Variants in ZC3H12C observed in about 807,000 individuals in gnomAD.
ZC3H12C encodes zinc finger CCCH-type containing 12C.
A neutral mutation model predicts 76.3 loss-of-function variants in ZC3H12C; 20 were observed. The observed-to-expected ratio is 0.26, with a 90% CI of 0.18 to 0.38. The LOEUF is 0.38. ZC3H12C is among the 10% of genes least tolerant of loss of function. The probability of loss-of-function intolerance (pLI) is 1.00; values close to 1 mark genes in which losing one functional copy is unlikely to be tolerated. For missense variants in ZC3H12C, 874 were observed against 1,086.5 expected (o/e 0.80, Z 2.75); for synonymous variants, 352 against 399.6 (o/e 0.88, Z 1.42).
At chr11:110,122,065 A>C (rs1217666063) in intron 1 of ZC3H12C, among the ~76,000 whole-genome samples, 1 of 152,168 alleles carries the variant, frequency 6.6e-6, no homozygotes, top group East Asian at 1.9e-4. Context: ...TTCCTAAGTA[A>C]ATTATTTAAC....
chr11:110,134,642 A>C (rs1449918073), intron 1 of ZC3H12C, among the ~76,000 whole-genome samples: 1 of 152,204 alleles, frequency 6.6e-6, no homozygotes, highest in East Asian at 1.9e-4. Context: ...AAAAAATTGA[A>C]GTGGATACAA....
rs535227846 is a variant in ZC3H12C, at chr11:110,146,183, C to T, written c.774-6736C>T. Among the ~76,000 whole-genome samples the T allele has an allele frequency of 3.9e-5, 6 of 152,138 alleles. No individual in the cohort carries two copies. The South Asian group carries it at 1.2e-3, about 32-fold the overall frequency. On this transcript the variant is annotated intron_variant, in intron 2 of 5. Transcript: ENST00000278590. ...TTTTGTATTTTTAGTAGAGACAGGG[C>T]TTCACCGTGTTAGCCAGGGTGGTCT...
At chr11:110,114,569 A>C (rs1235367501) in intron 1 of ZC3H12C, among the ~76,000 whole-genome samples, 1 of 152,184 alleles carries the variant, frequency 6.6e-6, no homozygotes. Context: ...AATTCATTGG[A>C]TACTGGCTTA....
At chr11:110,147,146 C>T (rs533820535) in intron 2 of ZC3H12C, among the ~76,000 whole-genome samples, 4 of 152,164 alleles carry the variant, frequency 2.6e-5, no homozygotes, top group Admixed American at 6.5e-5. Flanking sequence ...CAAACACAGT[C>T]GGCCAGAGCA....
In ZC3H12C at chr11:110,141,892, T is replaced by C. The variant is rs1862072782; in HGVS notation, c.773+4478T>C. On this transcript the variant is annotated intron_variant, in intron 2 of 5. Transcript: ENST00000278590. ...TTAACTTCAGCTGCTTTTTACTTTT[T>C]TAATATGGTATGCCAGATGATTTAA... 3.3e-5 allele frequency among the ~76,000 whole-genome samples: 5 copies of C among 152,324 alleles called. No homozygotes were observed. The South Asian group carries it at 1.0e-3, about 32-fold the overall frequency.
At chr11:110,105,574 T>G (rs186343677) in intron 1 of ZC3H12C, among the ~76,000 whole-genome samples, 6 of 152,210 alleles carry the variant, frequency 3.9e-5, no homozygotes, top group African/African-American at 1.4e-4. Context: ...ATGTGAAATA[T>G]AGAAAATATA....
At chr11:110,150,868 C>A (rs1862260133) in intron 2 of ZC3H12C, among the ~76,000 whole-genome samples, 1 of 152,056 alleles carries the variant, frequency 6.6e-6, no homozygotes, top group East Asian at 1.9e-4. Context: ...AACTTTTCTG[C>A]TCCTAATAAT....
intron 2 of ZC3H12C, among the ~76,000 whole-genome samples, chr11:110,146,082 G>A (rs914446754): frequency 1.3e-5 from 2 of 152,174 alleles, no homozygotes; most frequent in South Asian, 2.1e-4. Context: ...CGCCTCCCGG[G>A]TTCATGCCAT....
chr11:110,137,402 A>G lies in ZC3H12C; in HGVS notation c.761A>G (p.Asn254Ser). 6.2e-7 allele frequency: 1 copy of G among 1,603,426 alleles called. No homozygotes were observed. The highest frequency in any genetic ancestry group is 8.5e-7 in the Non-Finnish European group (1 of 1,175,870). The change falls in exon 2 of 6, where the codon AAT (asparagine) becomes AGT (serine). Residue 254 changes from asparagine (N) to serine (S), a missense_variant. Physicochemically the swap from Asn to Ser is conservative, Grantham distance 46 (BLOSUM62 1). This residue lies in a region of ZC3H12C where 269 missense variants were observed against 424.9 expected (regional missense o/e 0.63). Coordinates refer to ENST00000278590, the MANE Select transcript of ZC3H12C (RefSeq NM_033390.2). ...AGACCAATAGTTATTGATGGCAGCA[A>G]TGTGGCAATGAGGTAAGTGGAAAAA... ...NLRPIVIDGS[N>S]VAMSHGNKEV...
At chr11:110,142,039 T>TAC (rs1330285024) in intron 2 of ZC3H12C, among the ~76,000 whole-genome samples, 1 of 152,164 alleles carries the variant, frequency 6.6e-6, no homozygotes, top group East Asian at 1.9e-4. Flanking sequence ...TCTAGGTGAG[T>TAC]GTCACAGGTA....
rs111944734 is a variant in ZC3H12C at position 110,134,469 on chromosome 11, C to T, written c.22-2194C>T. 2.7e-3 allele frequency among the ~76,000 whole-genome samples: 409 copies of T among 149,970 alleles called. 2 individuals are homozygous for T. Among genetic ancestry groups the T allele is most frequent in the African/African-American group, 9.2e-3 (376 of 40,692 alleles). ...CATGAAGGCCATGGTGTGGACTTTT[C>T]TTAACTGTATCCCTTTATTAGGATG... On this transcript the variant is annotated intron_variant, in intron 1 of 5. Coordinates refer to ENST00000278590, the MANE Select transcript of ZC3H12C (RefSeq NM_033390.2).
In ZC3H12C at chr11:110,121,998, G is replaced by A. The variant is rs570413539; in HGVS notation, c.22-14665G>A. On this transcript the variant is annotated intron_variant, in intron 1 of 5. Transcript: ENST00000278590. ...AATTCTGATGCAATTATCCTTTGTA[G>A]TCTGTCTGTCCATTTCACTTTTTAA... is the stretch of plus-strand genomic sequence containing the variant. Among the ~76,000 whole-genome samples, 11 of 152,206 alleles carry A rather than the reference G, an allele frequency of 7.2e-5. No homozygotes were observed. The South Asian group carries it at 2.1e-3, about 29-fold the overall frequency.
intron 1 of ZC3H12C, among the ~76,000 whole-genome samples, chr11:110,101,036 A>G (rs1861204332): frequency 1.3e-5 from 2 of 152,202 alleles, no homozygotes; most frequent in Admixed American, 1.3e-4. Context: ...ATGAAAAGAA[A>G]GGGAAACAGC....
At chr11:110,117,713 TACACACACACATATATATATAC>T (rs1315062050) in intron 1 of ZC3H12C, among the ~76,000 whole-genome samples, 10 of 13,908 alleles carry the variant, frequency 7.2e-4, no homozygotes, top group South Asian at 6.3e-3. Context: ...ATTATATATA[TACACACACACATATATATATAC>T]ACACACATAT....
At chr11:110,096,026 G>A (rs914367724) in intron 1 of ZC3H12C, among the ~76,000 whole-genome samples, 1 of 152,164 alleles carries the variant, frequency 6.6e-6, no homozygotes, top group African/African-American at 2.4e-5. Context: ...AAAGCTTCTT[G>A]TGTTTTAAGT....
At chr11:110,132,908 T>G (rs1417794514) in intron 1 of ZC3H12C, among the ~76,000 whole-genome samples, 1 of 152,166 alleles carries the variant, frequency 6.6e-6, no homozygotes, top group Non-Finnish European at 1.5e-5. Flanking sequence ...ACATTTTGTG[T>G]TGTTAATGGT....
intron 2 of ZC3H12C, among the ~76,000 whole-genome samples, chr11:110,145,355 A>G (rs1396049318): frequency 6.6e-6 from 1 of 152,228 alleles, no homozygotes; most frequent in African/African-American, 2.4e-5. Context: ...AAAAATTATA[A>G]TAGTGAAAGC....
At chr11:110,114,682 A>C (rs1052580626) in intron 1 of ZC3H12C, among the ~76,000 whole-genome samples, 2 of 152,200 alleles carry the variant, frequency 1.3e-5, no homozygotes, top group Non-Finnish European at 2.9e-5. Flanking sequence ...TAGAATTTTG[A>C]AGTAAAATTT....
intron 1 of ZC3H12C, among the ~76,000 whole-genome samples, chr11:110,128,665 G>A (rs979743553): frequency 5.3e-5 from 8 of 152,128 alleles, no homozygotes; most frequent in African/African-American, 9.7e-5. Context: ...TGACCTCAGT[G>A]TCTCTTCTAC....
Sources: allele counts gnomAD v4.1 joint callset (sites outside exome capture counted in the v4.1 genomes callset), GRCh38; gene constraint gnomAD v4.1.1; regional missense constraint gnomAD v4.1.1; transcripts MANE v1.5; gene names NCBI Gene and HGNC (gene_info 2026-07-23, HGNC 2026-07-21).